Variants in DNAH3 observed in about 807,000 individuals in gnomAD.
The protein encoded by DNAH3 is dynein axonemal heavy chain 3, also known as axonemal beta dynein heavy chain 3.
DNAH3 carries 332 observed loss-of-function variants against 432.5 expected under a neutral mutation model. The ratio of observed to expected loss-of-function variants is 0.77; its 90% CI spans 0.70 to 0.84. The LOEUF is 0.84. Ranked by LOEUF, DNAH3 falls within the 40% of genes least tolerant of loss-of-function variation. The pLI, the probability that DNAH3 is intolerant of heterozygous loss-of-function variation, is 0.00. For synonymous variants in DNAH3, 1,956 were observed against 1,900.2 expected (o/e 1.03, Z -0.76); for missense variants, 4,861 against 5,114.0 (o/e 0.95, Z 1.51).
At chr16:21,042,467 A>G (rs1233156185) in intron 31 of DNAH3, among the ~76,000 whole-genome samples, 1 of 152,156 alleles carries the variant, frequency 6.6e-6, no homozygotes, top group African/African-American at 2.4e-5. Context: ...TACTTGACAC[A>G]CAGTAGGTAT....
At chr16:20,959,906 A>T (rs2084743959) in intron 53 of DNAH3, among the ~76,000 whole-genome samples, 1 of 152,198 alleles carries the variant, frequency 6.6e-6, no homozygotes, top group South Asian at 2.1e-4. Flanking sequence ...CAGGTGCCCA[A>T]AACGGGGAAC....
intron 3 of DNAH3, among the ~76,000 whole-genome samples, chr16:21,142,077 A>G (rs914429101): frequency 9.3e-5 from 14 of 150,222 alleles, no homozygotes; most frequent in African/African-American, 3.4e-4. Context: ...AAAATAAAAA[A>G]TAAAATAGGC....
chr16:21,000,149 C>A, intron 43 of DNAH3, 75 bp downstream of exon 43: 1 of 1,501,094 alleles, frequency 6.7e-7, no homozygotes, highest in Admixed American at 1.8e-5. Context: ...AGTGGCACCA[C>A]AAGCAGAAGC....
intron 35 of DNAH3, among the ~76,000 whole-genome samples, chr16:21,035,219 C>G (rs1045427521): frequency 1.3e-5 from 2 of 152,082 alleles, no homozygotes; most frequent in East Asian, 1.9e-4. Flanking sequence ...CCCAGCTACT[C>G]GAGAGGCTGA....
At chr16:20,993,754 G>T (rs1452910296) in intron 44 of DNAH3, among the ~76,000 whole-genome samples, 1 of 152,012 alleles carries the variant, frequency 6.6e-6, no homozygotes, top group African/African-American at 2.4e-5. Flanking sequence ...TGTAATCATA[G>T]CTCACCGCAG....
At chr16:21,145,857 T>C (rs1455236222) in intron 2 of DNAH3, 127 bp downstream of exon 3, 4 of 661,634 alleles carry the variant, frequency 6.0e-6, no homozygotes, top group Non-Finnish European at 1.1e-5. Flanking sequence ...CCAAAGCTAC[T>C]AATCCTACTT....
chr16:20,983,113 T>TA (rs933877229), intron 48 of DNAH3, among the ~76,000 whole-genome samples: 1 of 151,978 alleles, frequency 6.6e-6, no homozygotes, highest in Admixed American at 6.6e-5. Context: ...AGCCCCTTTT[T>TA]AAAAAAAATT....
chr16:21,100,302 C>T (rs1362005930), intron 16 of DNAH3, among the ~76,000 whole-genome samples: 1 of 152,138 alleles, frequency 6.6e-6, no homozygotes, highest in Non-Finnish European at 1.5e-5. Flanking sequence ...GAACTCCTGA[C>T]CTCAGGTGAT....
chr16:20,935,805 TGCACTCCA>T (rs1415372248), intron 60 of DNAH3, among the ~76,000 whole-genome samples: 1 of 148,316 alleles, frequency 6.7e-6, no homozygotes, highest in African/African-American at 2.5e-5. Flanking sequence ...ATCATGCCAT[TGCACTCCA>T]GCCTGAGTGA....
chr16:20,950,439 A>G (rs1001313937), intron 56 of DNAH3, among the ~76,000 whole-genome samples: 2 of 152,198 alleles, frequency 1.3e-5, no homozygotes, highest in Non-Finnish European at 2.9e-5. Context: ...TATGACATCC[A>G]AAACCATCTC....
chr16:20,998,633 A>G (rs2086869072), intron 43 of DNAH3, among the ~76,000 whole-genome samples: 1 of 151,100 alleles, frequency 6.6e-6, no homozygotes, highest in South Asian at 2.1e-4. Context: ...CATTTTCCCC[A>G]GTAGTATATT....
intron 41 of DNAH3, among the ~76,000 whole-genome samples, chr16:21,009,781 G>A (rs2087489798): frequency 6.6e-6 from 1 of 152,096 alleles, no homozygotes; most frequent in African/African-American, 2.4e-5. Context: ...GGGAGGCTGA[G>A]GTGGGATCAC....
At chr16:21,026,082 T>G (rs1372357576) in intron 38 of DNAH3, among the ~76,000 whole-genome samples, 1 of 152,104 alleles carries the variant, frequency 6.6e-6, no homozygotes, top group African/African-American at 2.4e-5. Context: ...TCCAAGTGCT[T>G]GTTACTGTGA....
chr16:20,939,351 C>T (rs1057316273), intron 59 of DNAH3, among the ~76,000 whole-genome samples: 1 of 152,186 alleles, frequency 6.6e-6, no homozygotes, highest in African/African-American at 2.4e-5. Flanking sequence ...GTGGCTTACA[C>T]CTGTAATCCC....
At chr16:20,948,331 G>C in intron 57 of DNAH3, 152 bp downstream of exon 57, 1 of 780,742 alleles carries the variant, frequency 1.3e-6, no homozygotes, top group Non-Finnish European at 2.0e-6. Context: ...CTCTCTTGCA[G>C]GCTTTTGGGA....
chr16:21,154,653 T>C (rs565974642), intron 1 of DNAH3, among the ~76,000 whole-genome samples: 1 of 152,330 alleles, frequency 6.6e-6, no homozygotes, highest in South Asian at 2.1e-4. Context: ...ATCAGTATTT[T>C]CACAAGTTTT....
intron 44 of DNAH3, among the ~76,000 whole-genome samples, chr16:20,989,478 C>A (rs917364816): frequency 6.6e-6 from 1 of 152,156 alleles, no homozygotes; most frequent in African/African-American, 2.4e-5. Flanking sequence ...ACTCACAAAC[C>A]TTCAGCTAAA....
chr16:21,042,089 C>T (rs778679316), exon 32 of DNAH3: 35 of 1,613,788 alleles, frequency 2.2e-5, no homozygotes, highest in East Asian at 6.7e-5. Flanking sequence ...ATGAACACAG[C>T]GCAGGTTGGG....
intron 20 of DNAH3, among the ~76,000 whole-genome samples, chr16:21,075,845 G>C (rs2152767633): frequency 6.8e-6 from 1 of 147,366 alleles, no homozygotes; most frequent in East Asian, 2.1e-4. Flanking sequence ...GGGAGGTAGA[G>C]GCTGCAGTGA....
Sources: gnomAD v4.1 joint callset for allele counts (sites outside exome capture counted in the v4.1 genomes callset) on GRCh38, gnomAD v4.1.1 for gene constraint, MANE v1.5 for transcripts, NCBI Gene and HGNC (gene_info 2026-07-23, HGNC 2026-07-21) for gene names.